Variants in TTC7B observed in about 807,000 individuals in gnomAD.
The protein encoded by TTC7B is tetratricopeptide repeat protein 7B.
A neutral mutation model predicts 106.8 loss-of-function variants in TTC7B; 28 were observed. The ratio of observed to expected loss-of-function variants is 0.26; its 90% CI spans 0.19 to 0.36. The LOEUF is 0.36. TTC7B is among the 10% of genes least tolerant of loss of function. TTC7B has a pLI of 1.00. For synonymous variants in TTC7B, 405 were observed against 430.6 expected (o/e 0.94, Z 0.74); for missense variants, 862 against 1,076.4 (o/e 0.80, Z 2.79).
At chr14:90,544,206 C>G (rs991536615) in intron 19 of TTC7B, among the ~76,000 whole-genome samples, 1 of 152,226 alleles carries the variant, frequency 6.6e-6, no homozygotes, top group Non-Finnish European at 1.5e-5. Context: ...TGCCCTCCCC[C>G]GTCTGGGAAC....
At chr14:90,692,388 A>AT (rs1887510713) in intron 6 of TTC7B, among the ~76,000 whole-genome samples, 1 of 152,240 alleles carries the variant, frequency 6.6e-6, no homozygotes, top group Non-Finnish European at 1.5e-5. Flanking sequence ...CACACCAGAT[A>AT]GAGTTTACAA....
At chr14:90,784,827 C>T (rs1254561703) in intron 2 of TTC7B, among the ~76,000 whole-genome samples, 2 of 152,176 alleles carry the variant, frequency 1.3e-5, no homozygotes, top group Non-Finnish European at 2.9e-5. Flanking sequence ...TGAGATGACG[C>T]TCTCCAGCCA....
intron 3 of TTC7B, among the ~76,000 whole-genome samples, chr14:90,748,020 A>G (rs913536086): frequency 1.3e-5 from 2 of 152,106 alleles, no homozygotes; most frequent in African/African-American, 4.8e-5. Context: ...GTGTCTTGGT[A>G]TTTAAAGTGT....
intron 15 of TTC7B, among the ~76,000 whole-genome samples, chr14:90,621,242 C>T (rs963321940): frequency 1.5e-4 from 19 of 124,506 alleles, no homozygotes; most frequent in Admixed American, 1.4e-3. Context: ...AGGTAGGCCA[C>T]GTGGGTATAG....
In TTC7B at chr14:90,794,211, CTTTTTTT is replaced by C. The variant is rs1186061223; in HGVS notation, c.122-7890_122-7884del. Among the ~76,000 whole-genome samples the C allele has an allele frequency of 4.7e-4, 21 of 45,120 alleles. 1 individual carries two copies. The East Asian group carries it at 0.022, about 47-fold the overall frequency. The allele number at this position is 45,120 out of a possible 152,430, so 29.6% of individuals were successfully genotyped here. A position where few individuals can be genotyped will look rare whatever the true frequency, so the allele number is the denominator to read the frequency against. The stretch of plus-strand genomic sequence containing the variant: ...AGCCACTGCACCTGGCTGGGTATTT[CTTTTTTT>C]TTTTTTTTTTTTTTTTTTTGAGACG... On this transcript the variant is annotated intron_variant, in intron 1 of 19. Coordinates refer to ENST00000328459, the MANE Select transcript of TTC7B (RefSeq NM_001010854.2).
rs1753688272 is a variant in TTC7B, at chr14:90,533,618, A to T, written c.*7750T>A. 1 of 152,436 alleles carries T rather than the reference A, an allele frequency of 6.6e-6. No homozygotes were observed. Among genetic ancestry groups the T allele is most frequent in the African/African-American group, 2.4e-5 (1 of 41,482 alleles). The allele number at this position is 152,436 out of a possible 1,614,324, so 9.4% of individuals were successfully genotyped here. A position where few individuals can be genotyped will look rare whatever the true frequency, so the allele number is the denominator to read the frequency against. On this transcript the variant is annotated 3_prime_UTR_variant, in exon 20 of 20. Coordinates refer to ENST00000328459, the MANE Select transcript of TTC7B (RefSeq NM_001010854.2). ...AGATGAGGAGACAGAGTGCTTCCCC[A>T]TCAGAGGTGACACGGCCAGGCAGAA...
intron 15 of TTC7B, among the ~76,000 whole-genome samples, chr14:90,625,031 C>T (rs533619998): frequency 5.3e-5 from 8 of 152,300 alleles, no homozygotes; most frequent in South Asian, 2.1e-4. Flanking sequence ...CTGTCCAGAT[C>T]GGGGGAGCTG....
At chr14:90,572,969 C>T (rs1364623744) in intron 19 of TTC7B, among the ~76,000 whole-genome samples, 1 of 152,108 alleles carries the variant, frequency 6.6e-6, no homozygotes, top group Admixed American at 6.5e-5. Context: ...CCCGTCTCTC[C>T]TCCCCATCAC....
intron 4 of TTC7B, among the ~76,000 whole-genome samples, chr14:90,733,857 C>T (rs1406913590): frequency 6.6e-6 from 1 of 152,306 alleles, no homozygotes; most frequent in East Asian, 1.9e-4. Context: ...TAATACCTAC[C>T]TCACAAGGTT....
intron 19 of TTC7B, among the ~76,000 whole-genome samples, chr14:90,544,772 C>T (rs556932081): frequency 3.3e-5 from 5 of 152,300 alleles, no homozygotes; most frequent in East Asian, 1.9e-4. Flanking sequence ...GCTCGTCACA[C>T]GCCTTCCTGG....
intron 5 of TTC7B, chr14:90,697,787 C>A (rs2139950027): frequency 6.6e-6 from 1 of 152,368 alleles, no homozygotes; most frequent in South Asian, 2.1e-4. Context: ...CGGAGGAAGT[C>A]TCCGCCCCGA....
chr14:90,625,030 T>G (rs1884378107), intron 15 of TTC7B, among the ~76,000 whole-genome samples: 1 of 152,110 alleles, frequency 6.6e-6, no homozygotes, highest in Non-Finnish European at 1.5e-5. Flanking sequence ...CCTGTCCAGA[T>G]CGGGGGAGCT....
At chr14:90,674,530 G>A (rs1041928254) in intron 9 of TTC7B, among the ~76,000 whole-genome samples, 2 of 152,186 alleles carry the variant, frequency 1.3e-5, no homozygotes, top group African/African-American at 4.8e-5. Context: ...TCAGCACATG[G>A]GCCACAGCTG....
chr14:90,596,699 T>C (rs776580453), intron 17 of TTC7B, among the ~76,000 whole-genome samples: 4 of 152,230 alleles, frequency 2.6e-5, no homozygotes, highest in South Asian at 2.1e-4. Flanking sequence ...ACAGACCACA[T>C]GTTTTAAAGT....
chr14:90,619,544 T>C (rs1165683140), intron 15 of TTC7B, among the ~76,000 whole-genome samples: 1 of 152,234 alleles, frequency 6.6e-6, no homozygotes, highest in East Asian at 1.9e-4. Context: ...CCATATTAGC[T>C]GGCATTTGTT....
At chr14:90,755,041 T>G (rs1212680140) in intron 3 of TTC7B, among the ~76,000 whole-genome samples, 5 of 152,310 alleles carry the variant, frequency 3.3e-5, no homozygotes, top group South Asian at 4.1e-4. Context: ...CTCAAAACCT[T>G]CCTTCCTTTC....
At chr14:90,544,269 A>C (rs1889729869) in intron 19 of TTC7B, among the ~76,000 whole-genome samples, 5 of 152,208 alleles carry the variant, frequency 3.3e-5, no homozygotes, top group Admixed American at 3.3e-4. Flanking sequence ...GAAATACCCG[A>C]TGTTTCTTTT....
rs1374725159 is a variant in TTC7B, at chr14:90,524,916, A to G, written c.*16452T>C. On this transcript the variant is annotated 3_prime_UTR_variant, in exon 20 of 20. Coordinates refer to ENST00000328459, the MANE Select transcript of TTC7B (RefSeq NM_001010854.2). ...AAAAAAAAAAACAAACAAAAAAACA[A>G]AAAACAGCCTTATGAAGATGTGATT... is the stretch of plus-strand genomic sequence containing the variant. 2 of 152,176 alleles carry G rather than the reference A, an allele frequency of 1.3e-5. No individual in the cohort carries two copies. The highest frequency in any genetic ancestry group is 2.9e-5 in the Non-Finnish European group (2 of 68,016). The allele number at this position is 152,176 out of a possible 1,614,324, so 9.4% of individuals were successfully genotyped here. A position where few individuals can be genotyped will look rare whatever the true frequency, so the allele number is the denominator to read the frequency against.
chr14:90,613,455 A>C (rs1379259288), intron 16 of TTC7B, among the ~76,000 whole-genome samples: 1 of 152,250 alleles, frequency 6.6e-6, no homozygotes, highest in Non-Finnish European at 1.5e-5. Context: ...GGATGCTTGA[A>C]GCAATTTTTA....
Sources: allele counts gnomAD v4.1 joint callset (sites outside exome capture counted in the v4.1 genomes callset), GRCh38; gene constraint gnomAD v4.1.1; transcripts MANE v1.5; gene names NCBI Gene and HGNC (gene_info 2026-07-23, HGNC 2026-07-21).